SPATA1: variants seen among roughly 807,000 people sequenced by gnomAD.
SPATA1 encodes the protein spermatogenesis-associated protein 1.
A neutral mutation model predicts 59.6 loss-of-function variants in SPATA1; 57 were observed. The observed-to-expected ratio is 0.96, with a 90% CI of 0.77 to 1.19. SPATA1 has a LOEUF of 1.19. Among genes scored for constraint, SPATA1 ranks in the 50% most tolerant of loss-of-function variants. The pLI, the probability that SPATA1 is intolerant of heterozygous loss-of-function variation, is 0.00. For missense variants in SPATA1, 448 were observed against 480.7 expected, an observed-to-expected ratio of 0.93 and a Z score of 0.64; for synonymous variants, 147 against 163.9, an observed-to-expected ratio of 0.90 and a Z score of 0.79.
chr1:84,516,853 G>A (rs1317958287), intron 2 of SPATA1, among the ~76,000 whole-genome samples: 2 of 152,122 alleles, frequency 1.3e-5, no homozygotes, highest in Non-Finnish European at 1.5e-5. Flanking sequence ...ACCATCGTAA[G>A]TACCATTCTC....
At chr1:84,546,320 G>A (rs946163704) in intron 10 of SPATA1, among the ~76,000 whole-genome samples, 1 of 152,122 alleles carries the variant, frequency 6.6e-6, no homozygotes, top group African/African-American at 2.4e-5. Context: ...CTAGCCAGGT[G>A]TGGTGGTGGG....
At chr1:84,538,062 G>A (rs1683770891) in intron 8 of SPATA1, among the ~76,000 whole-genome samples, 1 of 152,156 alleles carries the variant, frequency 6.6e-6, no homozygotes. Context: ...ACAAATTGTG[G>A]GTTTTGTGCC....
At chr1:84,541,800 G>A (rs1311861655) in intron 8 of SPATA1, among the ~76,000 whole-genome samples, 3 of 152,068 alleles carry the variant, frequency 2.0e-5, no homozygotes, top group African/African-American at 7.2e-5. Context: ...ATGTTTATTT[G>A]CGTTGGATTT....
At chr1:84,542,150 G>C (rs1683934803) in intron 8 of SPATA1, among the ~76,000 whole-genome samples, 1 of 152,080 alleles carries the variant, frequency 6.6e-6, no homozygotes, top group Non-Finnish European at 1.5e-5. Flanking sequence ...TTTTAGTAGA[G>C]ACGGGGTTTC....
At chr1:84,536,194 G>A (rs899672469) in intron 8 of SPATA1, among the ~76,000 whole-genome samples, 1 of 152,198 alleles carries the variant, frequency 6.6e-6, no homozygotes, top group Admixed American at 6.5e-5. Context: ...AGGAATGAAA[G>A]AATATAACTT....
At chr1:84,541,829 C>T (rs1204955815) in intron 8 of SPATA1, among the ~76,000 whole-genome samples, 1 of 152,072 alleles carries the variant, frequency 6.6e-6, no homozygotes, top group Non-Finnish European at 1.5e-5. Context: ...TCAGTAATAA[C>T]AGGTGTTCTT....
At chr1:84,564,977 T>G (rs551476633) in intron 4 of SPATA1, among the ~76,000 whole-genome samples, 2 of 152,082 alleles carry the variant, frequency 1.3e-5, no homozygotes, top group South Asian at 4.1e-4. Flanking sequence ...AGGTCGAGGT[T>G]ACAGTGGGCT....
At chr1:84,525,911 A>G in exon 6 of SPATA1, 4 of 1,613,786 alleles carry the variant, frequency 2.5e-6, no homozygotes, top group Non-Finnish European at 3.4e-6. Context: ...TTCACCATCA[A>G]CAGTTATTTT....
At chr1:84,534,052 T>G (rs1395665757) in intron 8 of SPATA1, among the ~76,000 whole-genome samples, 1 of 152,070 alleles carries the variant, frequency 6.6e-6, no homozygotes, top group Non-Finnish European at 1.5e-5. Context: ...GCAGCTTTCA[T>G]AGCTAATTTG....
At chr1:84,555,640 T>C (rs2102015001), downstream of SPATA1, among the ~76,000 whole-genome samples, 1 of 152,340 alleles carries the variant, frequency 6.6e-6, no homozygotes, top group South Asian at 2.1e-4. Flanking sequence ...CTCCTTTTCA[T>C]GTCCTAAGAT....
chr1:84,510,005 T>C (rs1204645935), intron 1 of SPATA1, among the ~76,000 whole-genome samples: 4 of 151,910 alleles, frequency 2.6e-5, no homozygotes, highest in Non-Finnish European at 5.9e-5. Flanking sequence ...CTGGGCAACA[T>C]GGCAAAGTCA....
chr1:84,558,566 C>T (rs1033319304), downstream of SPATA1, among the ~76,000 whole-genome samples: 1 of 150,058 alleles, frequency 6.7e-6, no homozygotes, highest in Non-Finnish European at 1.5e-5. Flanking sequence ...GCTGGGATTA[C>T]AGGCGTGAGC....
chr1:84,532,064 TA>T (rs1354428935), intron 6 of SPATA1, among the ~76,000 whole-genome samples: 1 of 152,218 alleles, frequency 6.6e-6, no homozygotes, highest in Non-Finnish European at 1.5e-5. Context: ...GAAATTTTGT[TA>T]AAATGAAGGG....
At chr1:84,551,212 G>A in intron 12 of SPATA1, 3 of 985,068 alleles carry the variant, frequency 3.0e-6, no homozygotes, top group Non-Finnish European at 1.2e-6. Context: ...CAGCAAGGCA[G>A]GAAAATGAGA....
At chr1:84,548,562 A>T (rs947573318) in intron 10 of SPATA1, among the ~76,000 whole-genome samples, 2 of 147,842 alleles carry the variant, frequency 1.4e-5, no homozygotes, top group Non-Finnish European at 3.0e-5. Flanking sequence ...AAATATATAT[A>T]TATTACTATA....
chr1:84,545,702 G>C (rs980939485), exon 10 of SPATA1: 1 of 1,537,612 alleles, frequency 6.5e-7, no homozygotes, highest in Non-Finnish European at 8.7e-7. Flanking sequence ...AAATAGAGAA[G>C]AACTAGTAAA....
chr1:84,526,088 G>A lies in SPATA1; in HGVS notation c.544+15G>A. The stretch of plus-strand genomic sequence containing the variant: ...TCAGGAAGAAGGTGATTTTAAACTG[G>A]AATGGGAAAAAGAAAGAGGCTATTA... On this transcript the variant is annotated intron_variant, in intron 6 of 12. Coordinates refer to ENST00000490879, the Ensembl canonical transcript of SPATA1. The A allele has an allele frequency of 6.3e-7, 1 of 1,586,534 alleles. No individual in the cohort carries two copies. Among genetic ancestry groups the A allele is most frequent in the Non-Finnish European group, 8.6e-7 (1 of 1,164,150 alleles).
chr1:84,548,844 G>C, exon 11 of SPATA1: 6 of 1,584,926 alleles, frequency 3.8e-6, no homozygotes, highest in Non-Finnish European at 5.1e-6. Flanking sequence ...CATCAATGGA[G>C]GAGGTTTTAA....
In SPATA1 at chr1:84,507,878, T is replaced by G. The variant is rs559680848; in HGVS notation, c.-138+1460T>G. Among the ~76,000 whole-genome samples, 30 of 152,332 alleles carry G rather than the reference T, an allele frequency of 2.0e-4. 1 individual carries two copies. The highest frequency in any genetic ancestry group is 6.7e-4 in the African/African-American group (28 of 41,574). ...CAGAAAAAAAAAAAATTGTTGCTTT[T>G]TTATTAACTGCTGCATTGGGAAACC... On this transcript the variant is annotated intron_variant, in intron 1 of 12. Transcript: ENST00000490879.
Sources: gnomAD v4.1 joint callset for allele counts (sites outside exome capture counted in the v4.1 genomes callset) on GRCh38, gnomAD v4.1.1 for gene constraint, MANE v1.5 for transcripts, NCBI Gene and HGNC (gene_info 2026-07-23, HGNC 2026-07-21) for gene names.